Variants in SCUBE1 observed in about 807,000 individuals in gnomAD.
SCUBE1 encodes signal peptide, CUB and EGF-like domain-containing protein 1.
A neutral mutation model predicts 124.4 loss-of-function variants in SCUBE1; 59 were observed. The observed-to-expected ratio is 0.47, with a 90% CI of 0.38 to 0.59. The LOEUF (loss-of-function observed/expected upper bound fraction) is 0.59, where lower values mean the gene tolerates loss of function less well. Ranked by LOEUF, SCUBE1 falls within the 20% of genes least tolerant of loss-of-function variation. The pLI, the probability that SCUBE1 is intolerant of heterozygous loss-of-function variation, is 0.00. For missense variants in SCUBE1, 1,150 were observed against 1,371.2 expected (o/e 0.84, Z 2.55); for synonymous variants, 545 against 550.9 (o/e 0.99, Z 0.15).
chr22:43,308,308 G>GA (rs1377280646), intron 3 of SCUBE1, among the ~76,000 whole-genome samples: 1 of 152,198 alleles, frequency 6.6e-6, no homozygotes, highest in Non-Finnish European at 1.5e-5. Flanking sequence ...TAGAGCACCT[G>GA]AAAGTGGGCC....
At chr22:43,209,557 G>T (rs564243717) in intron 19 of SCUBE1, among the ~76,000 whole-genome samples, 19 of 152,340 alleles carry the variant, frequency 1.2e-4, no homozygotes, top group Non-Finnish European at 2.6e-4. Flanking sequence ...GATGAGCCAG[G>T]AGTCCAGGGC....
chr22:43,280,040 C>T (rs1924699961), intron 4 of SCUBE1, among the ~76,000 whole-genome samples: 1 of 152,190 alleles, frequency 6.6e-6, no homozygotes, highest in Admixed American at 6.5e-5. Context: ...CAGGCTGGGC[C>T]AGGCCTGAGC....
intron 4 of SCUBE1, among the ~76,000 whole-genome samples, chr22:43,286,175 T>C (rs1925133478): frequency 6.6e-6 from 1 of 152,234 alleles, no homozygotes; most frequent in Admixed American, 6.5e-5. Flanking sequence ...ATTGAAACTG[T>C]CTTTTCAATA....
At chr22:43,293,751 T>C (rs796325758) in intron 3 of SCUBE1, among the ~76,000 whole-genome samples, 7 of 152,348 alleles carry the variant, frequency 4.6e-5, no homozygotes, top group African/African-American at 1.7e-4. Context: ...GGTTCTCAGA[T>C]TCCCTGCTCT....
At chr22:43,316,032 C>CGA (rs1926336337) in intron 3 of SCUBE1, among the ~76,000 whole-genome samples, 1 of 152,114 alleles carries the variant, frequency 6.6e-6, no homozygotes, top group South Asian at 2.1e-4. Context: ...CTGGTCCCCA[C>CGA]GAGGTCTTGG....
chr22:43,221,081 A>G, intron 13 of SCUBE1, 92 bp downstream of exon 13: 1 of 863,518 alleles, frequency 1.2e-6, no homozygotes, highest in Non-Finnish European at 1.9e-6. Context: ...CTTGGAAACC[A>G]GACTCGCTGG....
intron 3 of SCUBE1, among the ~76,000 whole-genome samples, chr22:43,310,110 C>T (rs1028892885): frequency 2.0e-5 from 3 of 152,176 alleles, no homozygotes; most frequent in Non-Finnish European, 4.4e-5. Flanking sequence ...ATGACCCTGC[C>T]TGACCCAGCC....
chr22:43,241,513 G>T (rs1338756638), intron 6 of SCUBE1, among the ~76,000 whole-genome samples: 1 of 152,092 alleles, frequency 6.6e-6, no homozygotes, highest in African/African-American at 2.4e-5. Context: ...CCACCTGGCA[G>T]CTCCAGGGCC....
chr22:43,293,096 C>T (rs999847328), intron 3 of SCUBE1, among the ~76,000 whole-genome samples: 1 of 152,202 alleles, frequency 6.6e-6, no homozygotes, highest in African/African-American at 2.4e-5. Flanking sequence ...CTAGGGGTGG[C>T]GAGTGGTCGC....
Position 43,201,333 on chromosome 22 carries a change from C to CA in SCUBE1, c.*2663dup, listed in dbSNP as rs1213919509. ...AAAAAAAAAAAAAAAAAAAAGAAAA[C>CA]AAAAAAAGAAAACAAAAAACAAAAC... On this transcript the variant is annotated 3_prime_UTR_variant, in exon 22 of 22. Transcript: ENST00000360835. 1 of 116,626 alleles carries CA rather than the reference C, an allele frequency of 8.6e-6. No individual in the cohort carries two copies. The highest frequency in any genetic ancestry group is 1.8e-5 in the Non-Finnish European group (1 of 54,340). The allele number at this position is 116,626 out of a possible 1,614,324, so 7.2% of individuals were successfully genotyped here.
chr22:43,322,885 T>C (rs1419570735), intron 2 of SCUBE1, among the ~76,000 whole-genome samples: 1 of 152,196 alleles, frequency 6.6e-6, no homozygotes, highest in African/African-American at 2.4e-5. Flanking sequence ...ACTCCTGAAA[T>C]ATACACCAGC....
intron 3 of SCUBE1, among the ~76,000 whole-genome samples, chr22:43,305,187 C>A (rs1303432051): frequency 6.6e-5 from 10 of 152,204 alleles, no homozygotes; most frequent in Admixed American, 6.5e-4. Flanking sequence ...ACTGCCACCA[C>A]ACACAGTTCT....
chr22:43,198,963 TTCTGTCTGCTGTCCGGGGCAACGTGTCTG>T lies in SCUBE1; in HGVS notation c.*5005_*5033del, dbSNP rs1188180121. Reference sequence around the variant, plus strand: ...GTCTGTCTGCTGTCCGGGGCAGTTTTTCTGTCTGCTGTCCGGGGCAACGTGTCTGTCTGTCTGCTGTCCGGGGCAGTGTG... The same window carrying T: ...GTCTGTCTGCTGTCCGGGGCAGTTTTTCTGTCTGCTGTCCGGGGCAGTGTG... On this transcript the variant is annotated 3_prime_UTR_variant, in exon 22 of 22. Transcript: ENST00000360835. 3.8e-5 allele frequency: 13 copies of T among 344,248 alleles called. No individual in the cohort carries two copies. The highest frequency in any genetic ancestry group is 6.7e-5 in the Non-Finnish European group (12 of 179,050). The allele number at this position is 344,248 out of a possible 1,614,324, so 21.3% of individuals were successfully genotyped here. A position where few individuals can be genotyped will look rare whatever the true frequency, so the allele number is the denominator to read the frequency against.
chr22:43,270,226 C>T (rs780261338), intron 4 of SCUBE1: 27 of 152,234 alleles, frequency 1.8e-4, no homozygotes, highest in Admixed American at 7.2e-4. Flanking sequence ...AAAACAAATG[C>T]GTTCCATCTT....
intron 6 of SCUBE1, among the ~76,000 whole-genome samples, chr22:43,245,145 C>T (rs1923156879): frequency 1.3e-5 from 2 of 152,260 alleles, no homozygotes; most frequent in Admixed American, 1.3e-4. Flanking sequence ...CCCGAGGGGC[C>T]CTCTGAACTC....
intron 21 of SCUBE1, among the ~76,000 whole-genome samples, chr22:43,204,688 T>C (rs1003336951): frequency 4.6e-5 from 7 of 151,386 alleles, no homozygotes; most frequent in Admixed American, 1.3e-4. Flanking sequence ...CTCACACCTG[T>C]AATCCCAGCA....
At chr22:43,335,712 A>G (rs1927041147) in intron 2 of SCUBE1, among the ~76,000 whole-genome samples, 1 of 151,996 alleles carries the variant, frequency 6.6e-6, no homozygotes. Flanking sequence ...TTGAGCCTGA[A>G]ACTACTTTGA....
intron 6 of SCUBE1, among the ~76,000 whole-genome samples, chr22:43,248,443 C>T (rs1393632455): frequency 3.3e-5 from 5 of 152,226 alleles, no homozygotes; most frequent in African/African-American, 9.6e-5. Flanking sequence ...CTCCGCACAG[C>T]GGAGTCGCCA....
At chr22:43,316,867 T>C (rs1926366558) in intron 3 of SCUBE1, 1 of 152,184 alleles carries the variant, frequency 6.6e-6, no homozygotes, top group African/African-American at 2.4e-5. Flanking sequence ...AATTACATGC[T>C]CACAGATGTT....
Sources: allele counts gnomAD v4.1 joint callset (sites outside exome capture counted in the v4.1 genomes callset), GRCh38; gene constraint gnomAD v4.1.1; transcripts MANE v1.5; gene names NCBI Gene and HGNC (gene_info 2026-07-23, HGNC 2026-07-21).